Variants in UBOX5 observed in about 807,000 individuals in gnomAD.
UBOX5 encodes the protein U-box domain containing 5.
A neutral mutation model predicts 39.0 loss-of-function variants in UBOX5; 28 were observed. The observed-to-expected ratio is 0.72, with a 90% CI of 0.53 to 0.98. UBOX5 has a LOEUF of 0.98. Among genes scored for constraint, UBOX5 ranks in the 50% least tolerant of loss-of-function variants. The pLI is 0.00. For synonymous variants in UBOX5, 283 were observed against 275.5 expected, an observed-to-expected ratio of 1.03 and a Z score of -0.27; for missense variants, 585 against 674.4, an observed-to-expected ratio of 0.87 and a Z score of 1.47.
chr20:3,146,981 A>G, intron 1 of UBOX5: 1 of 1,614,152 alleles, frequency 6.2e-7, no homozygotes. Flanking sequence ...CTGAACAGCC[A>G]GCTTCATTCT....
chr20:3,120,645 C>CAA (rs1183467647), intron 3 of UBOX5, among the ~76,000 whole-genome samples: 4 of 70,862 alleles, frequency 5.6e-5, no homozygotes, highest in Non-Finnish European at 8.9e-5. Context: ...GACTCCATCT[C>CAA]AAAAAAAAAA....
In UBOX5 at chr20:3,121,708, C is replaced by T. The variant is rs1568470765; in HGVS notation, c.931G>A (p.Ala311Thr). The change falls in exon 3 of 5, where the codon GCT becomes ACT. Residue 311 changes from alanine to threonine, a missense_variant. Physicochemically the swap from Ala to Thr is moderately conservative, Grantham distance 58. Coordinates refer to ENST00000217173, the MANE Select transcript of UBOX5 (RefSeq NM_014948.4). The part of the protein sequence containing the change: ...RVPSDPFTGV[A>T]FTPHSQPLPH... ...AGGGGCTGAGAGTGCGGAGTAAAAG[C>T]TACCCCCGTGAAAGGGTCACTGGGC... is the stretch of plus-strand genomic sequence containing the variant. 1.1e-5 allele frequency: 17 copies of T among 1,614,084 alleles called. No homozygotes were observed. Among genetic ancestry groups the T allele is most frequent in the Non-Finnish European group, 1.4e-5 (17 of 1,180,034 alleles).
At chr20:3,151,863 G>C (rs2066628523) in intron 1 of UBOX5, 1 of 151,514 alleles carries the variant, frequency 6.6e-6, no homozygotes, top group Non-Finnish European at 1.5e-5. Context: ...CCAGCACTTT[G>C]AGAGGCCAAG....
chr20:3,121,829 C>T lies in UBOX5; in HGVS notation c.810G>A (p.Glu270=). Residue 270 remains glutamate (E), a synonymous_variant, in exon 3 of 5, where the codon GAG becomes GAA. Coordinates refer to ENST00000217173, the MANE Select transcript of UBOX5 (RefSeq NM_014948.4). ...GCAGCAGCATGGGACAAGGCATGAT[C>T]TCCAGGGTGATGGGATCCAGGAACT... is the stretch of plus-strand genomic sequence containing the variant. ...PEEFLDPITL[E]IMPCPMLLPS... The T allele has an allele frequency of 6.2e-7, 1 of 1,614,148 alleles. No individual in the cohort carries two copies. The highest frequency in any genetic ancestry group is 8.5e-7 in the Non-Finnish European group (1 of 1,180,038).
rs1293772170 is a variant in UBOX5 at position 3,110,302 on chromosome 20, C to A, written c.1430G>T (p.Ser477Ile). Residue 477 changes from serine to isoleucine, a missense_variant, in exon 5 of 5, where the codon AGC (serine) becomes ATC (isoleucine). Transcript: ENST00000217173. Reference protein sequence around the residue: ...RPGTGSEQPGSILGPECASCK... With the variant: ...RPGTGSEQPGIILGPECASCK... ...GGAGGCACATTCGGGGCCCAGGATG[C>A]TCCCAGGCTGCTCTGGTAAATCAGG... The A allele has an allele frequency of 1.2e-6, 2 of 1,614,112 alleles. No homozygotes were observed. The highest frequency in any genetic ancestry group is 1.7e-6 in the Non-Finnish European group (2 of 1,180,030).
chr20:3,140,004 G>A (rs1207366068), intron 1 of UBOX5, among the ~76,000 whole-genome samples: 6 of 143,832 alleles, frequency 4.2e-5, no homozygotes, highest in Admixed American at 7.2e-5. Flanking sequence ...CACCACACTC[G>A]GCCTTTTTAC....
At chr20:3,159,073 G>C (rs1487712097) in intron 1 of UBOX5, among the ~76,000 whole-genome samples, 1 of 152,090 alleles carries the variant, frequency 6.6e-6, no homozygotes, top group Non-Finnish European at 1.5e-5. Context: ...GGGACCCAAA[G>C]TTCCCTGAGT....
intron 1 of UBOX5, among the ~76,000 whole-genome samples, chr20:3,133,756 T>TTGG (rs1555762467): frequency 1.3e-4 from 19 of 147,924 alleles, no homozygotes; most frequent in African/African-American, 4.2e-4. Context: ...TTATTTTTTT[T>TTGG]GGGGGGGGGA....
chr20:3,136,566 A>C (rs899857235), intron 1 of UBOX5, among the ~76,000 whole-genome samples: 1 of 151,540 alleles, frequency 6.6e-6, no homozygotes, highest in Non-Finnish European at 1.5e-5. Context: ...CGTTGGCCAG[A>C]GTGGTCTCGA....
chr20:3,121,618 G>A lies in UBOX5; in HGVS notation c.1021C>T (p.His341Tyr), dbSNP rs1463031076. The A allele has an allele frequency of 1.9e-6, 3 of 1,609,064 alleles. No homozygotes were observed. The highest frequency in any genetic ancestry group is 2.5e-6 in the Non-Finnish European group (3 of 1,177,680). The change falls in exon 3 of 5, where the codon CAC (histidine) becomes TAC (tyrosine). Residue 341 changes from histidine to tyrosine, a missense_variant. By Grantham distance (83) the His-to-Tyr change is moderately conservative. Transcript: ENST00000217173. ...FLLQHSIPGC[H>Y]LLGRAQTALA... ...GCCGTCTGTGCTCTCCCAAGCAGGTGGCAGCCAGGGATGGAGTGCTGGAGC... is the reference window on the plus strand; with the variant it reads ...GCCGTCTGTGCTCTCCCAAGCAGGTAGCAGCCAGGGATGGAGTGCTGGAGC...
At position 3,140,316 on chromosome 20, in the gene UBOX5, C is replaced by T. The variant is rs187349458; in HGVS notation, c.-41-16910G>A. On this transcript the variant is annotated intron_variant, in intron 1 of 4. Coordinates refer to ENST00000217173, the MANE Select transcript of UBOX5 (RefSeq NM_014948.4). ...GGATTACAGGCGTTGAGTGAGCCAC[C>T]GCACCCAGCCCAGTTTTTACGTTTA... is the stretch of plus-strand genomic sequence containing the variant. Among the ~76,000 whole-genome samples, 22 of 152,180 alleles carry T rather than the reference C, an allele frequency of 1.4e-4. No individual in the cohort carries two copies. In the East Asian group the frequency reaches 3.5e-3, roughly 24 times the overall value.
At chr20:3,154,861 A>G (rs2066667626) in intron 1 of UBOX5, among the ~76,000 whole-genome samples, 1 of 151,872 alleles carries the variant, frequency 6.6e-6, no homozygotes, top group South Asian at 2.1e-4. Context: ...GGTTGATGAT[A>G]CAAGAGACCT....
rs1241427785 is a variant in UBOX5 at position 3,109,976 on chromosome 20, G to C, written c.*130C>G. 9.3e-7 allele frequency: 1 copy of C among 1,075,428 alleles called. No homozygotes were observed. Among genetic ancestry groups the C allele is most frequent in the African/African-American group, 1.6e-5 (1 of 64,074 alleles). 66.6% of individuals were successfully genotyped at this position (1,075,428 alleles called of 1,614,324 possible). A position where few individuals can be genotyped will look rare whatever the true frequency, so the allele number is the denominator to read the frequency against. On this transcript the variant is annotated 3_prime_UTR_variant, in exon 5 of 5. Transcript: ENST00000217173. ...ATGTGCTATACCGTGAGGTGATGAAGAAGAGCCCCGGGAGGGAGCAGGCAG... is the reference window on the plus strand; with the variant it reads ...ATGTGCTATACCGTGAGGTGATGAACAAGAGCCCCGGGAGGGAGCAGGCAG...
At chr20:3,148,295 G>A (rs6084275) in intron 1 of UBOX5, 12 of 1,612,920 alleles carry the variant, frequency 7.4e-6, no homozygotes, top group Non-Finnish European at 9.3e-6. Flanking sequence ...TAAAAACCTA[G>A]GTACTTTGCG....
At chr20:3,117,058 T>C (rs2066298816) in intron 3 of UBOX5, among the ~76,000 whole-genome samples, 1 of 151,226 alleles carries the variant, frequency 6.6e-6, no homozygotes, top group Non-Finnish European at 1.5e-5. Context: ...ATCACACTAC[T>C]GCACTCCAGC....
At chr20:3,134,365 C>T (rs2066452952) in intron 1 of UBOX5, among the ~76,000 whole-genome samples, 1 of 152,040 alleles carries the variant, frequency 6.6e-6, no homozygotes, top group Admixed American at 6.6e-5. Flanking sequence ...TAAACATTCT[C>T]TACAAATCTT....
Position 3,122,112 on chromosome 20 carries a change from C to G in UBOX5, c.527G>C (p.Cys176Ser). 6.2e-7 allele frequency: 1 copy of G among 1,614,252 alleles called. No homozygotes were observed. The highest frequency in any genetic ancestry group is 8.5e-7 in the Non-Finnish European group (1 of 1,180,052). Residue 176 changes from cysteine to serine, a missense_variant, in exon 3 of 5, where the codon TGT becomes TCT. Transcript: ENST00000217173. ...SLSHVAHLRI[C>S]ITHVTGGGIP... ...ACCGCCGCCTGTCACATGGGTGATA[C>G]AGATCCTTAAGTGGGCCACGTGGCT...
At chr20:3,115,607 C>A in intron 3 of UBOX5, 141 bp from the exon 4 acceptor site, 1 of 966,464 alleles carries the variant, frequency 1.0e-6, no homozygotes, top group Non-Finnish European at 1.4e-6. Flanking sequence ...TGTCTACTGG[C>A]GGACCATGAC....
intron 1 of UBOX5, among the ~76,000 whole-genome samples, chr20:3,135,798 A>G (rs1222190374): frequency 1.4e-5 from 2 of 146,980 alleles, no homozygotes; most frequent in Admixed American, 6.8e-5. Flanking sequence ...AAAAAAAAAA[A>G]GTTGAAAGCT....
Sources: allele counts gnomAD v4.1 joint callset (sites outside exome capture counted in the v4.1 genomes callset), GRCh38; gene constraint gnomAD v4.1.1; transcripts MANE v1.5; gene names NCBI Gene and HGNC (gene_info 2026-07-23, HGNC 2026-07-21).